The following GRIK4 variants were observed in gnomAD, a reference collection of about 807,000 sequenced individuals.
GRIK4 encodes the protein glutamate receptor ionotropic, kainate 4.
Under a neutral mutation model 104.9 loss-of-function variants are expected in GRIK4, and 40 were observed. That is an observed-to-expected ratio of 0.38 (90% confidence interval 0.30 to 0.50). The LOEUF (loss-of-function observed/expected upper bound fraction) is 0.50. GRIK4 is among the 20% of genes least tolerant of loss of function. GRIK4 has a pLI of 0.93. For missense variants in GRIK4, 1,047 were observed against 1,308.1 expected (o/e 0.80, Z 3.08); for synonymous variants, 485 against 524.9 (o/e 0.92, Z 1.04).
chr11:120,753,317 G>GTGTA (rs1555055662), intron 3 of GRIK4, among the ~76,000 whole-genome samples: 1,750 of 149,728 alleles, frequency 0.012, 35 homozygotes, highest in African/African-American at 0.04. Flanking sequence ...GTGTGTGTGT[G>GTGTA]TGTGTGTGTG....
chr11:120,870,509 C>T (rs965897103), intron 9 of GRIK4: 1 of 152,022 alleles, frequency 6.6e-6, no homozygotes, highest in Non-Finnish European at 1.5e-5. Flanking sequence ...AAAGATTGCC[C>T]CAAGTTGTCC....
At chr11:120,584,749 T>C (rs1486873440) in intron 1 of GRIK4, among the ~76,000 whole-genome samples, 1 of 152,250 alleles carries the variant, frequency 6.6e-6, no homozygotes, top group African/African-American at 2.4e-5. Context: ...CAGTGCATAG[T>C]GTGTTGAGGG....
At position 120,866,324 on chromosome 11, in the gene GRIK4, G is replaced by A. The variant is rs184347232; in HGVS notation, c.906+4204G>A. Reference sequence around the variant, plus strand: ...CCCCTGAGTTCTTCCTGCAGAGGTCGGGGAAGGCTTGCCCGAAAAGAGGGA... The same window carrying A: ...CCCCTGAGTTCTTCCTGCAGAGGTCAGGGAAGGCTTGCCCGAAAAGAGGGA... On this transcript the variant is annotated intron_variant, in intron 9 of 20. Coordinates refer to ENST00000527524, the MANE Select transcript of GRIK4 (RefSeq NM_014619.5). Among the ~76,000 whole-genome samples, 6 of 152,308 alleles carry A rather than the reference G, an allele frequency of 3.9e-5. No individual in the cohort carries two copies. In the East Asian group the frequency reaches 9.6e-4, roughly 24 times the overall value.
Position 120,528,357 on chromosome 11 carries a change from C to T in GRIK4, c.-159+16470C>T, listed in dbSNP as rs141464722. Among the ~76,000 whole-genome samples the T allele has an allele frequency of 1.9e-3, 295 of 152,126 alleles. 2 individuals carry two copies. Among genetic ancestry groups the T allele is most frequent in the African/African-American group, 6.7e-3 (278 of 41,504 alleles). On this transcript the variant is annotated intron_variant, in intron 1 of 20. Transcript: ENST00000527524. ...TGATCTCCTGACCTCATGATCTGCC[C>T]GCCTTGGCCTCCCAAAGTGCTGGGA...
intron 3 of GRIK4, among the ~76,000 whole-genome samples, chr11:120,782,758 G>A (rs1480967835): frequency 1.3e-5 from 2 of 152,166 alleles, no homozygotes; most frequent in African/African-American, 4.8e-5. Context: ...CAAGAGTTGA[G>A]TTGTGACATG....
chr11:120,955,700 C>T (rs1248833854), intron 15 of GRIK4, among the ~76,000 whole-genome samples: 1 of 152,222 alleles, frequency 6.6e-6, no homozygotes, highest in East Asian at 1.9e-4. Flanking sequence ...CTTCTCAGCC[C>T]CATGCGTGCA....
chr11:120,700,414 C>G (rs762725886), intron 3 of GRIK4, among the ~76,000 whole-genome samples: 3 of 151,956 alleles, frequency 2.0e-5, no homozygotes, highest in Non-Finnish European at 4.4e-5. Flanking sequence ...GCTGGGATTA[C>G]AGGCATGTGC....
intron 1 of GRIK4, among the ~76,000 whole-genome samples, chr11:120,562,479 C>A: frequency 6.6e-6 from 1 of 152,152 alleles, no homozygotes; most frequent in African/African-American, 2.4e-5. Flanking sequence ...TGAGCTGAGC[C>A]TAGAAGGATG....
At chr11:120,828,147 G>A (rs1402887199) in intron 6 of GRIK4, among the ~76,000 whole-genome samples, 3 of 152,172 alleles carry the variant, frequency 2.0e-5, no homozygotes, top group African/African-American at 7.2e-5. Context: ...CTCTACATCA[G>A]TCCAATCCAG....
rs1370466336 is a variant in GRIK4, at chr11:120,698,811, A to G, written c.82+38411A>G. ...TGGCTCCACCACCCAGCAGGGAGGCATAACACAGATCTTAGGAGCCCAGTT... is the reference window on the plus strand; with the variant it reads ...TGGCTCCACCACCCAGCAGGGAGGCGTAACACAGATCTTAGGAGCCCAGTT... On this transcript the variant is annotated intron_variant, in intron 3 of 20. Transcript: ENST00000527524. Among the ~76,000 whole-genome samples the G allele has an allele frequency of 5.3e-5, 8 of 152,208 alleles. No homozygotes were observed. The South Asian group carries it at 1.0e-3, about 20-fold the overall frequency.
chr11:120,861,080 C>A (rs1954250352), intron 8 of GRIK4, among the ~76,000 whole-genome samples: 1 of 136,490 alleles, frequency 7.3e-6, no homozygotes, highest in African/African-American at 2.7e-5. Context: ...AGGTAGGGTT[C>A]AGAAATCATC....
intron 3 of GRIK4, among the ~76,000 whole-genome samples, chr11:120,775,958 G>GGCAGGCT (rs1296041825): frequency 6.6e-6 from 1 of 152,202 alleles, no homozygotes; most frequent in Non-Finnish European, 1.5e-5. Context: ...AGCCTCCCCT[G>GGCAGGCT]GCAGGCTGCA....
In GRIK4 at chr11:120,902,231, A is replaced by G. The variant is rs1592060875; in HGVS notation, c.1273-3059A>G. ...TGGCTGCCGCTCCCATTCCCTGAAC[A>G]CCTTTTCTGTATCAGACCCCGTGTT... On this transcript the variant is annotated intron_variant, in intron 12 of 20. Transcript: ENST00000527524. This position sits in a 1 kb window ranked among gnomAD's most constrained non-coding sequence, Gnocchi z 4.5. Among the ~76,000 whole-genome samples the G allele has an allele frequency of 6.6e-6, 1 of 152,034 alleles. No individual in the cohort carries two copies. The highest frequency in any genetic ancestry group is 1.5e-5 in the Non-Finnish European group (1 of 67,982).
intron 1 of GRIK4, among the ~76,000 whole-genome samples, chr11:120,593,451 C>T (rs1483418965): frequency 1.3e-5 from 2 of 152,162 alleles, no homozygotes; most frequent in Non-Finnish European, 2.9e-5. Context: ...ACACTTCCCT[C>T]CTCCCTCGAG....
chr11:120,590,060 C>A (rs1353824136), intron 1 of GRIK4, among the ~76,000 whole-genome samples: 4 of 152,230 alleles, frequency 2.6e-5, no homozygotes, highest in African/African-American at 9.6e-5. Flanking sequence ...AGGCCAAGGT[C>A]TGGAGCTGGG....
intron 3 of GRIK4, among the ~76,000 whole-genome samples, chr11:120,754,622 T>C (rs1951621187): frequency 6.6e-6 from 1 of 152,238 alleles, no homozygotes; most frequent in Non-Finnish European, 1.5e-5. Flanking sequence ...GTAGAATTGC[T>C]AATCATATGG....
intron 1 of GRIK4, among the ~76,000 whole-genome samples, chr11:120,617,576 T>C (rs1330860220): frequency 6.6e-6 from 1 of 152,106 alleles, no homozygotes; most frequent in African/African-American, 2.4e-5. Context: ...GACAGTGATA[T>C]CATTTGGATC....
chr11:120,879,274 A>G (rs950432797), intron 11 of GRIK4, among the ~76,000 whole-genome samples: 2 of 152,174 alleles, frequency 1.3e-5, no homozygotes, highest in Admixed American at 6.5e-5. Flanking sequence ...GTCTGCTGCC[A>G]CCTGCTGCAA....
chr11:120,811,020 C>T (rs1952818551), intron 4 of GRIK4, among the ~76,000 whole-genome samples: 1 of 152,100 alleles, frequency 6.6e-6, no homozygotes, highest in African/African-American at 2.4e-5. Flanking sequence ...GACTTCTACC[C>T]ACAGACCCCA....
Sources: allele counts gnomAD v4.1 joint callset (sites outside exome capture counted in the v4.1 genomes callset), GRCh38; gene constraint gnomAD v4.1.1; non-coding constraint Gnocchi (gnomAD v3.1); transcripts MANE v1.5; gene names NCBI Gene and HGNC (gene_info 2026-07-23, HGNC 2026-07-21).